Variants in LIPG observed in about 807,000 individuals in gnomAD.
LIPG encodes the protein endothelial lipase.
In LIPG, 34 loss-of-function variants were observed where a neutral mutation model predicts 51.8. The observed-to-expected ratio is 0.66, with a 90% CI of 0.50 to 0.87. The LOEUF (loss-of-function observed/expected upper bound fraction) is 0.87, where lower values mean the gene tolerates loss of function less well. Ranked by LOEUF, LIPG falls within the 40% of genes least tolerant of loss-of-function variation. The pLI is 0.00. For missense variants in LIPG, 580 were observed against 652.7 expected (o/e 0.89, Z 1.21); for synonymous variants, 246 against 246.1 (o/e 1.00, Z 0.00).
intron 4 of LIPG, among the ~76,000 whole-genome samples, chr18:49,572,036 G>A (rs997493705): frequency 2.6e-5 from 4 of 152,100 alleles, no homozygotes; most frequent in South Asian, 2.1e-4. Flanking sequence ...GTGGCCGGGC[G>A]TGGCCGGGCG....
At position 49,577,667 on chromosome 18, in the gene LIPG, C is replaced by T. The variant is rs1378003815; in HGVS notation, c.793+2077C>T. ...GGGGGCTGACCCCCCCACCTCCCTC[C>T]CGGACGGCACGGCTGGCCAGGCGGG... is the stretch of plus-strand genomic sequence containing the variant. On this transcript the variant is annotated intron_variant, in intron 5 of 9. Coordinates refer to ENST00000261292, the MANE Select transcript of LIPG (RefSeq NM_006033.4). Among the ~76,000 whole-genome samples, 575 of 112,086 alleles carry T rather than the reference C, an allele frequency of 5.1e-3. 16 individuals carry two copies. Among genetic ancestry groups the T allele is most frequent in the African/African-American group, 0.019 (558 of 29,058 alleles). The allele number at this position is 112,086 out of a possible 152,430, so 73.5% of individuals were successfully genotyped here.
intron 5 of LIPG, among the ~76,000 whole-genome samples, chr18:49,578,168 C>G (rs1279278127): frequency 2.0e-5 from 3 of 146,450 alleles, no homozygotes; most frequent in Non-Finnish European, 4.5e-5. Flanking sequence ...TGGGCGGAGA[C>G]GCTCCTCACC....
intron 5 of LIPG, among the ~76,000 whole-genome samples, chr18:49,577,619 C>G (rs865779013): frequency 6.9e-6 from 1 of 144,280 alleles, no homozygotes; most frequent in Admixed American, 6.8e-5. Context: ...CCTCACCTCC[C>G]GGACGGGGCG....
chr18:49,573,875 C>A (rs1031049978), intron 4 of LIPG, among the ~76,000 whole-genome samples: 2 of 152,160 alleles, frequency 1.3e-5, no homozygotes, highest in Non-Finnish European at 2.9e-5. Flanking sequence ...TCAGCCTAGG[C>A]AATATTGACA....
In LIPG at chr18:49,567,550, C is replaced by A; in HGVS notation, c.388C>A (p.Leu130Ile). The change falls in exon 3 of 10, where the codon CTT becomes ATT. Residue 130 changes from leucine (L) to isoleucine (I), a missense_variant. Coordinates refer to ENST00000261292, the MANE Select transcript of LIPG (RefSeq NM_006033.4). ...TGACTGGCTCCCCCTGGCCCACCAG[C>A]TTTACACGGATGCGGTCAATAATAC... ...VVDWLPLAHQ[L>I]YTDAVNNTRV... The A allele has an allele frequency of 6.2e-7, 1 of 1,614,154 alleles. No homozygotes were observed. Among genetic ancestry groups the A allele is most frequent in the Non-Finnish European group, 8.5e-7 (1 of 1,180,038 alleles).
At chr18:49,566,030 A>G (rs562090295) in intron 2 of LIPG, among the ~76,000 whole-genome samples, 1 of 152,214 alleles carries the variant, frequency 6.6e-6, no homozygotes, top group Non-Finnish European at 1.5e-5. Context: ...TTCAACAAAA[A>G]AGGGCTTTAG....
Position 49,567,625 on chromosome 18 carries a change from C to T in LIPG, c.459+4C>T. ...CAGGATGCTCGACTGGCTGCAGGTA[C>T]TGGGGGATGAGAGGGAGTCTCCTGT... On this transcript the variant is annotated splice_donor_region_variant and intron_variant, in intron 3 of 9. Coordinates refer to ENST00000261292, the MANE Select transcript of LIPG (RefSeq NM_006033.4). 4 of 1,613,620 alleles carry T rather than the reference C, an allele frequency of 2.5e-6. No individual in the cohort carries two copies. The highest frequency in any genetic ancestry group is 3.4e-6 in the Non-Finnish European group (4 of 1,179,916).
At chr18:49,562,621 G>T (rs1483600706) in intron 1 of LIPG, among the ~76,000 whole-genome samples, 1 of 152,198 alleles carries the variant, frequency 6.6e-6, no homozygotes, top group East Asian at 1.9e-4. Flanking sequence ...AGGCTGGCAG[G>T]GTGCGCTGGC....
At chr18:49,577,939 C>G (rs1183230159) in intron 5 of LIPG, among the ~76,000 whole-genome samples, 1 of 118,026 alleles carries the variant, frequency 8.5e-6, no homozygotes, top group Non-Finnish European at 1.8e-5. Context: ...GCGCCCCTCA[C>G]CTCCTGGACG....
chr18:49,578,982 C>T (rs1420904495), intron 5 of LIPG, among the ~76,000 whole-genome samples: 1 of 119,078 alleles, frequency 8.4e-6, no homozygotes, highest in Non-Finnish European at 1.7e-5. Context: ...GCTTCGGCTC[C>T]ACATGAGAGG....
Position 49,562,236 on chromosome 18 carries a change from T to C in LIPG, c.-73T>C. 1 of 1,610,402 alleles carries C rather than the reference T, an allele frequency of 6.2e-7. No homozygotes were observed. The highest frequency in any genetic ancestry group is 8.5e-7 in the Non-Finnish European group (1 of 1,179,506). ...AGAGAAGGGTCTTACCGGCCGGGATTGCTGGAAACACCAAGAGGTGGTTTT... is the reference window on the plus strand; with the variant it reads ...AGAGAAGGGTCTTACCGGCCGGGATCGCTGGAAACACCAAGAGGTGGTTTT... On this transcript the variant is annotated 5_prime_UTR_variant, in exon 1 of 10. Transcript: ENST00000261292.
upstream of LIPG, chr18:49,561,937 G>A (rs778727877): frequency 1.5e-6 from 2 of 1,335,592 alleles, no homozygotes; most frequent in Non-Finnish European, 9.5e-7. Context: ...TCTCGGTTCC[G>A]GCGTCAGCAA....
In LIPG at chr18:49,595,283, G is replaced by A. The variant is rs2084976043; in HGVS notation, c.*4761G>A. On this transcript the variant is annotated 3_prime_UTR_variant, in exon 10 of 10. Transcript: ENST00000261292. The stretch of plus-strand genomic sequence containing the variant: ...AATAAATAGATGAAATTAGATATAA[G>A]AAACTAGGTGCTTAAACAGGCAGGA... 6.6e-6 allele frequency: 1 copy of A among 152,146 alleles called. No individual in the cohort carries two copies. The allele number at this position is 152,146 out of a possible 1,614,324, so 9.4% of individuals were successfully genotyped here. A position where few individuals can be genotyped will look rare whatever the true frequency, so the allele number is the denominator to read the frequency against.
At chr18:49,580,833 G>A (rs766256732) in intron 5 of LIPG, among the ~76,000 whole-genome samples, 5 of 152,120 alleles carry the variant, frequency 3.3e-5, no homozygotes, top group South Asian at 2.1e-4. Flanking sequence ...TTATATGGGC[G>A]TTCTTGCTCT....
At position 49,599,060 on chromosome 18, in the gene LIPG, C is replaced by T. The variant is rs2084996345; in HGVS notation, c.*8538C>T. 6.6e-6 allele frequency: 1 copy of T among 152,210 alleles called. No individual in the cohort carries two copies. 9.4% of individuals were successfully genotyped at this position (152,210 alleles called of 1,614,324 possible). A position where few individuals can be genotyped will look rare whatever the true frequency, so the allele number is the denominator to read the frequency against. The stretch of plus-strand genomic sequence containing the variant: ...GTTTTGAGTTATTAGAGTAATGCTA[C>T]TATGAACATTTGCATATGAATCCTT... On this transcript the variant is annotated 3_prime_UTR_variant, in exon 10 of 10. Coordinates refer to ENST00000261292, the MANE Select transcript of LIPG (RefSeq NM_006033.4).
chr18:49,580,059 C>G (rs750212262), intron 5 of LIPG, among the ~76,000 whole-genome samples: 5 of 152,108 alleles, frequency 3.3e-5, no homozygotes, highest in Non-Finnish European at 5.9e-5. Flanking sequence ...GGTGATCCAC[C>G]CACCTTGGCC....
chr18:49,571,770 A>C (rs1352280574), intron 4 of LIPG, among the ~76,000 whole-genome samples: 1 of 152,198 alleles, frequency 6.6e-6, no homozygotes, highest in Non-Finnish European at 1.5e-5. Context: ...GCCACCAGGC[A>C]GTCCTTAGCC....
rs990261378 is a variant in LIPG at position 49,575,605 on chromosome 18, T to C, written c.793+15T>C. 3 of 1,607,174 alleles carry C rather than the reference T, an allele frequency of 1.9e-6. No homozygotes were observed. The highest frequency in any genetic ancestry group is 2.6e-6 in the Non-Finnish European group (3 of 1,174,700). On this transcript the variant is annotated intron_variant, in intron 5 of 9. Coordinates refer to ENST00000261292, the MANE Select transcript of LIPG (RefSeq NM_006033.4). Reference sequence around the variant, plus strand: ...TGCATATGGAAGTGAGTTCCCTCTTTTCTGCTTTGTGTTTGACTCAGTTTA... The same window carrying C: ...TGCATATGGAAGTGAGTTCCCTCTTCTCTGCTTTGTGTTTGACTCAGTTTA...
intron 5 of LIPG, among the ~76,000 whole-genome samples, chr18:49,577,948 C>G (rs1285609371): frequency 8.5e-6 from 1 of 117,684 alleles, no homozygotes. Context: ...ACCTCCTGGA[C>G]GGGGCGGCTG....
Sources: allele counts gnomAD v4.1 joint callset (sites outside exome capture counted in the v4.1 genomes callset), GRCh38; gene constraint gnomAD v4.1.1; transcripts MANE v1.5; gene names NCBI Gene and HGNC (gene_info 2026-07-23, HGNC 2026-07-21).